The following RORA variants were observed in gnomAD, a reference collection of about 807,000 sequenced individuals.
RORA encodes RAR related orphan receptor A, also known as nuclear receptor ROR-alpha.
Under a neutral mutation model 69.5 loss-of-function variants are expected in RORA, and 7 were observed. The observed-to-expected ratio is 0.10, with a 90% confidence interval of 0.06 to 0.19. The LOEUF (loss-of-function observed/expected upper bound fraction) is 0.19. Ranked by LOEUF, RORA falls within the 10% of genes least tolerant of loss-of-function variation. RORA has a pLI of 1.00. For synonymous variants in RORA, 261 were observed against 240.8 expected (o/e 1.08, Z -0.78); for missense variants, 457 against 663.0 (o/e 0.69, Z 3.41).
chr15:60,843,322 G>A (rs2073224614), intron 1 of RORA, among the ~76,000 whole-genome samples: 2 of 152,198 alleles, frequency 1.3e-5, no homozygotes, highest in Admixed American at 1.3e-4. Flanking sequence ...GTAGAAGGGA[G>A]AAAAGGCCTC....
At chr15:61,191,189 G>T (rs944696972) in intron 1 of RORA, among the ~76,000 whole-genome samples, 1 of 152,140 alleles carries the variant, frequency 6.6e-6, no homozygotes, top group Non-Finnish European at 1.5e-5. Context: ...CTCATCTAAA[G>T]ATAGGAATAG....
chr15:61,110,632 C>T (rs2078997304), intron 1 of RORA, among the ~76,000 whole-genome samples: 1 of 151,978 alleles, frequency 6.6e-6, no homozygotes, highest in Non-Finnish European at 1.5e-5. Context: ...CCTGTTATTG[C>T]CCTTGAAGAC....
chr15:61,196,349 C>T (rs1022078291), intron 1 of RORA, among the ~76,000 whole-genome samples: 1 of 152,240 alleles, frequency 6.6e-6, no homozygotes, highest in Non-Finnish European at 1.5e-5. Context: ...CTTAGCAGCT[C>T]AGCAGTTTAC....
intron 1 of RORA, among the ~76,000 whole-genome samples, chr15:60,890,005 C>T (rs1229052533): frequency 6.6e-6 from 1 of 152,146 alleles, no homozygotes; most frequent in Non-Finnish European, 1.5e-5. Flanking sequence ...ATGTATCATA[C>T]ATGTATTCAT....
chr15:61,151,414 T>G (rs1000840653), intron 1 of RORA, among the ~76,000 whole-genome samples: 1 of 152,194 alleles, frequency 6.6e-6, no homozygotes, highest in Admixed American at 6.5e-5. Context: ...TTCAGTACCT[T>G]CTCCTTTTCT....
intron 1 of RORA, among the ~76,000 whole-genome samples, chr15:61,087,599 A>G (rs965028818): frequency 1.3e-5 from 2 of 152,244 alleles, no homozygotes; most frequent in Admixed American, 1.3e-4. Flanking sequence ...TATAAAAACA[A>G]CATATGAGGA....
chr15:61,103,111 GT>G (rs1330835250), intron 1 of RORA, among the ~76,000 whole-genome samples: 2 of 152,184 alleles, frequency 1.3e-5, no homozygotes, highest in East Asian at 3.9e-4. Context: ...TTTTAGGTGG[GT>G]AACTCAAGCG....
At chr15:60,981,131 A>C (rs1159018438) in intron 1 of RORA, among the ~76,000 whole-genome samples, 1 of 150,586 alleles carries the variant, frequency 6.6e-6, no homozygotes, top group Non-Finnish European at 1.5e-5. Context: ...GAATGTCATC[A>C]CACTGCCTTT....
chr15:60,666,479 C>G (rs2070384028), intron 2 of RORA, among the ~76,000 whole-genome samples: 1 of 151,592 alleles, frequency 6.6e-6, no homozygotes, highest in Non-Finnish European at 1.5e-5. Flanking sequence ...GCCACCACAC[C>G]CGGCCAAAAA....
chr15:60,592,626 C>A, intron 2 of RORA: 64 of 1,153,420 alleles, frequency 5.5e-5, no homozygotes, highest in Non-Finnish European at 6.6e-5. Context: ...CCGCTTCCTC[C>A]CGGGGCGGGA....
chr15:60,730,838 T>A (rs1251969200), intron 1 of RORA, among the ~76,000 whole-genome samples: 1 of 151,236 alleles, frequency 6.6e-6, no homozygotes, highest in Non-Finnish European at 1.5e-5. Context: ...CTCAGTGAGC[T>A]ATTCATATAG....
intron 1 of RORA, among the ~76,000 whole-genome samples, chr15:61,035,105 T>C (rs1896387654): frequency 6.6e-6 from 1 of 152,226 alleles, no homozygotes; most frequent in Non-Finnish European, 1.5e-5. Flanking sequence ...TAATTGGGAA[T>C]GGTTTTGTTC....
chr15:60,663,130 G>A (rs758301080), intron 2 of RORA, among the ~76,000 whole-genome samples: 1 of 152,152 alleles, frequency 6.6e-6, no homozygotes, highest in African/African-American at 2.4e-5. Flanking sequence ...TTTTCCTTCT[G>A]CCCAGTCCAG....
At position 60,616,847 on chromosome 15, in the gene RORA, C is replaced by G. The variant is rs148445336; in HGVS notation, c.196+61810G>C. On this transcript the variant is annotated intron_variant, in intron 2 of 10. Transcript: ENST00000335670. ...GAAAGGCTGTAGGAAACCCCCTGGT[C>G]CTCAAAACCCCCCTTGTTCTCAGAC... Among the ~76,000 whole-genome samples the G allele has an allele frequency of 4.2e-3, 635 of 152,280 alleles. 1 individual carries two copies. Among genetic ancestry groups the G allele is most frequent in the East Asian group, 0.016 (82 of 5,186 alleles).
intron 1 of RORA, among the ~76,000 whole-genome samples, chr15:60,689,991 C>A (rs987812871): frequency 2.0e-5 from 3 of 152,186 alleles, no homozygotes; most frequent in African/African-American, 7.2e-5. Context: ...CCTGTGCCAA[C>A]GACAATTGGC....
At chr15:61,138,215 A>C (rs1179645251) in intron 1 of RORA, among the ~76,000 whole-genome samples, 3 of 152,180 alleles carry the variant, frequency 2.0e-5, no homozygotes, top group African/African-American at 7.2e-5. Context: ...GGTTCTTAAG[A>C]TTCATTTGGG....
intron 1 of RORA, among the ~76,000 whole-genome samples, chr15:60,895,088 T>G (rs1441661974): frequency 6.6e-6 from 1 of 152,132 alleles, no homozygotes; most frequent in Non-Finnish European, 1.5e-5. Flanking sequence ...TGTCTTTATG[T>G]AGAGAAAGTA....
Position 61,206,460 on chromosome 15 carries a change from C to T in RORA, c.166+22593G>A, listed in dbSNP as rs986433432. Reference sequence around the variant, plus strand: ...CCTGGGAAACACGTGGACAACCCCACGACATCCCTGTTCTCAAGGATCTCA... The same window carrying T: ...CCTGGGAAACACGTGGACAACCCCATGACATCCCTGTTCTCAAGGATCTCA... On this transcript the variant is annotated intron_variant, in intron 1 of 10. Coordinates refer to ENST00000335670, the MANE Select transcript of RORA (RefSeq NM_134261.3). Among the ~76,000 whole-genome samples the T allele has an allele frequency of 5.3e-5, 8 of 152,206 alleles. No homozygotes were observed. The South Asian group carries it at 1.0e-3, about 20-fold the overall frequency.
At chr15:60,673,802 G>GT (rs1275861998) in intron 2 of RORA, among the ~76,000 whole-genome samples, 1 of 152,112 alleles carries the variant, frequency 6.6e-6, no homozygotes, top group Non-Finnish European at 1.5e-5. Flanking sequence ...CGCCTGGAAG[G>GT]TAAAAAGCCT....
Sources: allele counts gnomAD v4.1 joint callset (sites outside exome capture counted in the v4.1 genomes callset), GRCh38; gene constraint gnomAD v4.1.1; transcripts MANE v1.5; gene names NCBI Gene and HGNC (gene_info 2026-07-23, HGNC 2026-07-21).